Variants in CCDC192 observed in about 807,000 individuals in gnomAD.
CCDC192 encodes the protein coiled-coil domain containing 192.
At chr5:127,884,858 C>T (rs1752503654) in intron 6 of CCDC192, among the ~76,000 whole-genome samples, 1 of 152,110 alleles carries the variant, frequency 6.6e-6, no homozygotes, top group African/African-American at 2.4e-5. Context: ...CATTTTTACA[C>T]TACTTATTTA....
intron 3 of CCDC192, among the ~76,000 whole-genome samples, chr5:127,776,607 C>T (rs562122761): frequency 5.3e-5 from 8 of 152,300 alleles, no homozygotes; most frequent in African/African-American, 1.9e-4. Context: ...AAAATGTCTC[C>T]AGGGCATATC....
chr5:127,745,086 T>C (rs1753662190), intron 2 of CCDC192, among the ~76,000 whole-genome samples: 1 of 152,230 alleles, frequency 6.6e-6, no homozygotes, highest in Non-Finnish European at 1.5e-5. Flanking sequence ...GCCGAGCCTT[T>C]AATCAATCAA....
At chr5:127,755,202 C>G (rs564761169) in intron 3 of CCDC192, among the ~76,000 whole-genome samples, 91 of 152,020 alleles carry the variant, frequency 6.0e-4, no homozygotes, top group African/African-American at 2.1e-3. Context: ...TGGATTGATA[C>G]ATTTAGATAA....
intron 5 of CCDC192, among the ~76,000 whole-genome samples, chr5:127,874,626 T>C (rs1333915487): frequency 6.6e-6 from 1 of 152,208 alleles, no homozygotes; most frequent in Non-Finnish European, 1.5e-5. Flanking sequence ...CCCTTCCCTA[T>C]CTCAAGATTT....
At chr5:127,704,168 G>C (rs553055067) in intron 1 of CCDC192, among the ~76,000 whole-genome samples, 2 of 152,038 alleles carry the variant, frequency 1.3e-5, no homozygotes, top group Non-Finnish European at 2.9e-5. Flanking sequence ...TGCAACCATG[G>C]TTCTGCTTTT....
chr5:127,730,304 C>A (rs998077733), intron 2 of CCDC192, among the ~76,000 whole-genome samples: 1 of 152,030 alleles, frequency 6.6e-6, no homozygotes, highest in African/African-American at 2.4e-5. Flanking sequence ...ACATATATAT[C>A]CTCCCAAGAC....
At chr5:127,702,361 C>G (rs908421279), upstream of CCDC192, among the ~76,000 whole-genome samples, 3 of 152,192 alleles carry the variant, frequency 2.0e-5, no homozygotes, top group African/African-American at 7.2e-5. Context: ...TTGCCCAATC[C>G]TTGCCTTTCC....
intron 5 of CCDC192, among the ~76,000 whole-genome samples, chr5:127,867,092 A>C (rs1182545186): frequency 6.6e-6 from 1 of 152,208 alleles, no homozygotes; most frequent in African/African-American, 2.4e-5. Context: ...GTAAAGGAGA[A>C]GAATATTCAT....
At chr5:127,732,378 C>A (rs1752689806) in intron 2 of CCDC192, among the ~76,000 whole-genome samples, 1 of 152,168 alleles carries the variant, frequency 6.6e-6, no homozygotes, top group Non-Finnish European at 1.5e-5. Flanking sequence ...AAAAGAAACA[C>A]TTTTACACTG....
intron 3 of CCDC192, chr5:127,785,095 G>A (rs997577613): frequency 2.3e-5 from 12 of 517,622 alleles, no homozygotes; most frequent in Non-Finnish European, 4.3e-5. Flanking sequence ...GGCATCTTCT[G>A]TGTTGTACTG....
At chr5:127,738,913 C>G (rs1009970460) in intron 2 of CCDC192, among the ~76,000 whole-genome samples, 1 of 151,666 alleles carries the variant, frequency 6.6e-6, no homozygotes, top group Non-Finnish European at 1.5e-5. Flanking sequence ...TCGTCTGAAG[C>G]CTTCTTCCCT....
chr5:127,880,393 A>G (rs1220430557), intron 6 of CCDC192, among the ~76,000 whole-genome samples: 1 of 142,884 alleles, frequency 7.0e-6, no homozygotes, highest in Non-Finnish European at 1.5e-5. Context: ...ATAGGTGGGA[A>G]TTGAACAATG....
intron 6 of CCDC192, among the ~76,000 whole-genome samples, chr5:127,906,364 A>C (rs919557289): frequency 6.6e-6 from 1 of 152,242 alleles, no homozygotes; most frequent in Admixed American, 6.5e-5. Context: ...ATTATTTTAA[A>C]GACTGAATAG....
intron 2 of CCDC192, among the ~76,000 whole-genome samples, chr5:127,718,924 T>C (rs1234110503): frequency 3.9e-5 from 6 of 152,186 alleles, no homozygotes. Flanking sequence ...ACTCTTTTAG[T>C]TATTTTTAAA....
chr5:127,806,555 A>G (rs1461930401), intron 5 of CCDC192, among the ~76,000 whole-genome samples: 1 of 152,196 alleles, frequency 6.6e-6, no homozygotes, highest in Non-Finnish European at 1.5e-5. Context: ...TTCTTACTTA[A>G]TAAGCTTAGA....
intron 6 of CCDC192, among the ~76,000 whole-genome samples, chr5:127,887,598 T>C (rs1159262898): frequency 6.6e-6 from 1 of 152,174 alleles, no homozygotes; most frequent in Non-Finnish European, 1.5e-5. Context: ...TCTGACAATA[T>C]GTAGTTAATT....
intron 2 of CCDC192, among the ~76,000 whole-genome samples, chr5:127,744,512 A>C (rs1446016700): frequency 6.6e-6 from 1 of 152,198 alleles, no homozygotes; most frequent in Non-Finnish European, 1.5e-5. Context: ...GATTTTAGAG[A>C]AACTGAATTC....
chr5:127,800,196 G>A (rs1288036288), intron 5 of CCDC192, among the ~76,000 whole-genome samples: 1 of 151,282 alleles, frequency 6.6e-6, no homozygotes, highest in Non-Finnish European at 1.5e-5. Flanking sequence ...GTTCACTTTT[G>A]GTGATTCAGC....
At chr5:127,919,845 A>G (rs1035038804) in intron 6 of CCDC192, among the ~76,000 whole-genome samples, 1 of 151,986 alleles carries the variant, frequency 6.6e-6, no homozygotes, top group South Asian at 2.1e-4. Flanking sequence ...CTGTCCCTCT[A>G]TCTGCTCTGT....
Sources: gnomAD v4.1 joint callset for allele counts (sites outside exome capture counted in the v4.1 genomes callset) on GRCh38, gnomAD v4.1.1 for gene constraint, MANE v1.5 for transcripts, NCBI Gene and HGNC (gene_info 2026-07-23, HGNC 2026-07-21) for gene names.